Variants in B4GALNT2 observed in about 807,000 individuals in gnomAD.
B4GALNT2 encodes beta-1,4-N-acetyl-galactosaminyltransferase 2 (SID blood group).
A neutral mutation model predicts 51.1 loss-of-function variants in B4GALNT2; 42 were observed. The ratio of observed to expected loss-of-function variants is 0.82; its 90% confidence interval spans 0.64 to 1.06. B4GALNT2 has a LOEUF of 1.06. Among genes scored for constraint, B4GALNT2 ranks in the 50% least tolerant of loss-of-function variants. The pLI, the probability that B4GALNT2 is intolerant of heterozygous loss-of-function variation, is 0.00. For synonymous variants in B4GALNT2, 253 were observed against 251.7 expected (o/e 1.01, Z -0.05); for missense variants, 602 against 633.6 (o/e 0.95, Z 0.54).
In B4GALNT2 at chr17:49,171,965, T is replaced by G. The variant is rs1343980077; in HGVS notation, c.*2237T>G. The G allele has an allele frequency of 1.1e-5, 3 of 262,312 alleles. No homozygotes were observed. Among genetic ancestry groups the G allele is most frequent in the Non-Finnish European group, 2.2e-5 (3 of 136,698 alleles). The allele number at this position is 262,312 out of a possible 1,614,324, so 16.2% of individuals were successfully genotyped here. On this transcript the variant is annotated 3_prime_UTR_variant, in exon 11 of 11. Transcript: ENST00000393354. ...GTCACACAGTGATTACATCCAGGCA[T>G]TATTGCCAGCCAAGATTGATAAATA...
chr17:49,129,630 G>C (rs1007819359), upstream of B4GALNT2, among the ~76,000 whole-genome samples: 8 of 148,954 alleles, frequency 5.4e-5, no homozygotes, highest in Non-Finnish European at 1.0e-4. Context: ...TTTTTGGTCA[G>C]AAGCATTCTG....
At chr17:49,125,029 C>T in the B4GALNT2 span, among the ~76,000 whole-genome samples, 1 of 152,202 alleles carries the variant, frequency 6.6e-6, no homozygotes, top group Admixed American at 6.5e-5. Flanking sequence ...AACCACATTA[C>T]ATTTTCATGC....
rs559441322 is a variant in B4GALNT2 at position 49,134,974 on chromosome 17, T to C, written c.14+2168T>C. ...CATTTCTGCTATCTAGCTGAAACTG[T>C]GTAACCATGCCCTTGGACTTCCTAG... On this transcript the variant is annotated intron_variant, in intron 1 of 10. Transcript: ENST00000393354. 4.6e-5 allele frequency among the ~76,000 whole-genome samples: 7 copies of C among 152,330 alleles called. No individual in the cohort carries two copies. The East Asian group carries it at 1.3e-3, about 29-fold the overall frequency.
chr17:49,121,166 C>T, the B4GALNT2 span, among the ~76,000 whole-genome samples: 4 of 152,292 alleles, frequency 2.6e-5, no homozygotes, highest in South Asian at 8.3e-4. Context: ...GGGAATAGTT[C>T]ATTCAGTCAA....
chr17:49,151,479 G>A (rs1388336943), intron 3 of B4GALNT2, among the ~76,000 whole-genome samples: 2 of 151,888 alleles, frequency 1.3e-5, no homozygotes, highest in Non-Finnish European at 2.9e-5. Context: ...CGGGTGTGGT[G>A]GCTAACATTT....
chr17:49,147,381 T>TC (rs1352922256), intron 3 of B4GALNT2, among the ~76,000 whole-genome samples: 1 of 150,250 alleles, frequency 6.7e-6, no homozygotes, highest in African/African-American at 2.4e-5. Context: ...TTTCTTTCTT[T>TC]TTTTTTTTTT....
At position 49,152,784 on chromosome 17, in the gene B4GALNT2, G is replaced by A; in HGVS notation, c.354-16G>A. ...CATCAGGGCAGCTGCTGACGTTTCTGTTCTCCTTCCTGCAGAGAAGGGCTG... is the reference window on the plus strand; with the variant it reads ...CATCAGGGCAGCTGCTGACGTTTCTATTCTCCTTCCTGCAGAGAAGGGCTG... On this transcript the variant is annotated splice_polypyrimidine_tract_variant and intron_variant, in intron 3 of 10. Transcript: ENST00000393354. 6.4e-7 allele frequency: 1 copy of A among 1,559,488 alleles called. No individual in the cohort carries two copies. Among genetic ancestry groups the A allele is most frequent in the African/African-American group, 1.4e-5 (1 of 73,222 alleles).
Position 49,169,667 on chromosome 17 carries a change from C to T in B4GALNT2, c.1460C>T (p.Thr487Ile), listed in dbSNP as rs1189361452. ...AATACATACCGGTCCAACACCCTCA[C>T]CCGGGTCCAGTTCAAGCTGGCCCTC... ...TYNTYRSNTL[T>I]RVQFKLALHY... Residue 487 changes from threonine (T) to isoleucine (I), a missense_variant, in exon 11 of 11, where the codon ACC (threonine) becomes ATC (isoleucine). By Grantham distance (89) the Thr-to-Ile change is moderately conservative. Transcript: ENST00000393354. 1 of 1,608,596 alleles carries T rather than the reference C, an allele frequency of 6.2e-7. No individual in the cohort carries two copies. Among genetic ancestry groups the T allele is most frequent in the South Asian group, 1.1e-5 (1 of 90,628 alleles).
chr17:49,128,599 G>T (rs1300085749), upstream of B4GALNT2, among the ~76,000 whole-genome samples: 4 of 152,192 alleles, frequency 2.6e-5, no homozygotes, highest in Non-Finnish European at 4.4e-5. Flanking sequence ...CCTGAATAGA[G>T]AGAACCTCTT....
intron 8 of B4GALNT2, among the ~76,000 whole-genome samples, chr17:49,165,359 CT>C (rs1171463026): frequency 6.9e-6 from 1 of 145,060 alleles, no homozygotes; most frequent in African/African-American, 2.6e-5. Context: ...CCTCTCTCCC[CT>C]ACCTTTCTTC....
the B4GALNT2 span, among the ~76,000 whole-genome samples, chr17:49,125,414 C>G: frequency 3.1e-3 from 472 of 152,334 alleles, 13 homozygotes; most frequent in Admixed American, 0.026. Context: ...CCCGACTTGG[C>G]CTCCCAAAGT....
At position 49,161,680 on chromosome 17, in the gene B4GALNT2, A is replaced by G. The variant is rs2042866310; in HGVS notation, c.766+1039A>G. ...ATATCTAAATACATTTTAAAGTACT[A>G]GAAAAAAAACCTGTAGTTAATTTTT... On this transcript the variant is annotated intron_variant, in intron 7 of 10. Transcript: ENST00000393354. Among the ~76,000 whole-genome samples, 3 of 1,626 alleles carry G rather than the reference A, an allele frequency of 1.8e-3. No individual in the cohort carries two copies. In the South Asian group the frequency reaches 0.21, roughly 116 times the overall value. The allele number at this position is 1,626 out of a possible 152,430, so 1.1% of individuals were successfully genotyped here.
intron 1 of B4GALNT2, chr17:49,133,304 A>T: frequency 7.2e-7 from 1 of 1,394,314 alleles, no homozygotes; most frequent in Non-Finnish European, 9.2e-7. Flanking sequence ...GTCCGCGCGG[A>T]GTCAGGGAAA....
upstream of B4GALNT2, among the ~76,000 whole-genome samples, chr17:49,129,602 G>C (rs536195611): frequency 9.7e-4 from 133 of 137,312 alleles, no homozygotes; most frequent in African/African-American, 3.6e-3. Flanking sequence ...ATAAACCTGA[G>C]AGGGGCTTCT....
chr17:49,168,933 G>A, intron 10 of B4GALNT2, 33 bp downstream of exon 10: 1 of 1,592,704 alleles, frequency 6.3e-7, no homozygotes, highest in South Asian at 1.1e-5. Flanking sequence ...GGAGGGAGCT[G>A]GGCTGGGAAT....
chr17:49,168,059 T>A (rs2144344108), intron 9 of B4GALNT2, among the ~76,000 whole-genome samples: 1 of 152,304 alleles, frequency 6.6e-6, no homozygotes, highest in South Asian at 2.1e-4. Flanking sequence ...AGAAGGGTCA[T>A]TTATTAAAAG....
In B4GALNT2 at chr17:49,171,281, AATC is replaced by A; in HGVS notation, c.*1559_*1561del. On this transcript the variant is annotated 3_prime_UTR_variant, in exon 11 of 11. Coordinates refer to ENST00000393354, the MANE Select transcript of B4GALNT2 (RefSeq NM_001159387.2). ...GACAAACAACACAGATTAAAAGCAC[AATC>A]ATCATTGAAATCACAGAGCTTCCAA... 1 of 339,372 alleles carries A rather than the reference AATC, an allele frequency of 2.9e-6. No homozygotes were observed. The highest frequency in any genetic ancestry group is 5.6e-6 in the Non-Finnish European group (1 of 180,086). 21.0% of individuals were successfully genotyped at this position (339,372 alleles called of 1,614,324 possible).
rs560483031 is a variant in B4GALNT2, at chr17:49,160,723, G to A, written c.766+82G>A. On this transcript the variant is annotated intron_variant, in intron 7 of 10. Coordinates refer to ENST00000393354, the MANE Select transcript of B4GALNT2 (RefSeq NM_001159387.2). ...ATTCAGAAGGGATCACCTCTGAGAC[G>A]GAGGAGAATTGATCAAAATGACAGC... is the stretch of plus-strand genomic sequence containing the variant. 21 of 1,296,388 alleles carry A rather than the reference G, an allele frequency of 1.6e-5. No individual in the cohort carries two copies. In the East Asian group the frequency reaches 1.6e-4, roughly 10 times the overall value. 80.3% of individuals were successfully genotyped at this position (1,296,388 alleles called of 1,614,324 possible).
chr17:49,166,080 G>A (rs1278598509), intron 8 of B4GALNT2, 34 bp from the exon 9 acceptor site: 3 of 1,604,244 alleles, frequency 1.9e-6, no homozygotes, highest in Non-Finnish European at 2.6e-6. Flanking sequence ...ATGTAATATG[G>A]GCAACCACTC....
Sources: gnomAD v4.1 joint callset for allele counts (sites outside exome capture counted in the v4.1 genomes callset) on GRCh38, gnomAD v4.1.1 for gene constraint, MANE v1.5 for transcripts, NCBI Gene and HGNC (gene_info 2026-07-23, HGNC 2026-07-21) for gene names.